Variants in KCNT2 observed in about 807,000 individuals in gnomAD.
KCNT2 encodes potassium channel subfamily T member 2.
In KCNT2, 67 loss-of-function variants were observed where a neutral mutation model predicts 153.8. That is an observed-to-expected ratio of 0.44 (90% CI 0.36 to 0.53). The LOEUF (loss-of-function observed/expected upper bound fraction) is 0.53, where lower values mean the gene tolerates loss of function less well. KCNT2 is among the 20% of genes least tolerant of loss of function. The pLI is 0.00. For missense variants in KCNT2, 975 were observed against 1,354.8 expected (o/e 0.72, Z 4.40); for synonymous variants, 500 against 458.8 (o/e 1.09, Z -1.15).
In KCNT2 at chr1:196,333,832, A is replaced by G. The variant is rs1441884143; in HGVS notation, c.1997+15T>C. On this transcript the variant is annotated intron_variant, in intron 17 of 27. Transcript: ENST00000294725. ...AAAACCCAGTAATCTTACACCTTAG[A>G]GTATCTGAACATACTCTAAGTTTGA... 6.7e-7 allele frequency: 1 copy of G among 1,501,714 alleles called. No homozygotes were observed. Among genetic ancestry groups the G allele is most frequent in the Non-Finnish European group, 9.3e-7 (1 of 1,080,354 alleles). The allele number at this position is 1,501,714 out of a possible 1,614,324, so 93.0% of individuals were successfully genotyped here. A position where few individuals can be genotyped will look rare whatever the true frequency, so the allele number is the denominator to read the frequency against.
intron 13 of KCNT2, among the ~76,000 whole-genome samples, chr1:196,395,188 C>A (rs1453118586): frequency 1.3e-5 from 2 of 151,270 alleles, no homozygotes; most frequent in Admixed American, 1.3e-4. Context: ...AATTTTTCAA[C>A]TCTGTTAACC....
At chr1:196,505,196 T>A (rs1317899037) in intron 1 of KCNT2, among the ~76,000 whole-genome samples, 1 of 152,172 alleles carries the variant, frequency 6.6e-6, no homozygotes, top group Non-Finnish European at 1.5e-5. Context: ...TAGGTTTTCT[T>A]CTAGGGTTTT....
intron 14 of KCNT2, among the ~76,000 whole-genome samples, chr1:196,347,541 TACAGTAATGTAGTA>T (rs1459663223): frequency 6.6e-6 from 1 of 152,180 alleles, no homozygotes; most frequent in Non-Finnish European, 1.5e-5. Flanking sequence ...CAAATCCTTT[TACAGTAATGTAGTA>T]AGAGTAAATT....
intron 1 of KCNT2, among the ~76,000 whole-genome samples, chr1:196,599,995 C>T (rs1047868890): frequency 2.6e-5 from 4 of 151,932 alleles, no homozygotes; most frequent in African/African-American, 2.4e-5. Flanking sequence ...ATTTCATTTA[C>T]GTTAATGATT....
chr1:196,606,502 T>A (rs1665339072), intron 1 of KCNT2, among the ~76,000 whole-genome samples: 1 of 152,202 alleles, frequency 6.6e-6, no homozygotes, highest in African/African-American at 2.4e-5. Flanking sequence ...TAATAGAACA[T>A]AAAATTTTAA....
chr1:196,282,260 A>T lies in KCNT2; in HGVS notation c.2781+13T>A, dbSNP rs575268157. On this transcript the variant is annotated intron_variant, in intron 24 of 27. Coordinates refer to ENST00000294725, the MANE Select transcript of KCNT2 (RefSeq NM_198503.5). ...ATCACAACTATCTTTTATTCTAGAG[A>T]TTATTAACTTACAGAACAAAGAAAC... The T allele has an allele frequency of 1.4e-6, 2 of 1,443,650 alleles. No homozygotes were observed. Among genetic ancestry groups the T allele is most frequent in the South Asian group, 1.2e-5 (1 of 86,158 alleles). The allele number at this position is 1,443,650 out of a possible 1,614,324, so 89.4% of individuals were successfully genotyped here. A position where few individuals can be genotyped will look rare whatever the true frequency, so the allele number is the denominator to read the frequency against.
intron 26 of KCNT2, among the ~76,000 whole-genome samples, chr1:196,253,170 T>G (rs1656137139): frequency 6.6e-6 from 1 of 151,490 alleles, no homozygotes; most frequent in African/African-American, 2.4e-5. Flanking sequence ...CCTTTTGGAG[T>G]CCAGTTACAT....
At chr1:196,517,026 G>C (rs1054392782) in intron 1 of KCNT2, among the ~76,000 whole-genome samples, 1 of 152,112 alleles carries the variant, frequency 6.6e-6, no homozygotes, top group Non-Finnish European at 1.5e-5. Context: ...ACAACTCCTG[G>C]GAGAGAGCTC....
intron 27 of KCNT2, among the ~76,000 whole-genome samples, chr1:196,230,132 G>C (rs1653821663): frequency 6.6e-6 from 1 of 152,030 alleles, no homozygotes; most frequent in Non-Finnish European, 1.5e-5. Context: ...TAAGTAGCTA[G>C]AGAGGAGAAG....
At chr1:196,493,300 C>A (rs1329401730) in intron 1 of KCNT2, among the ~76,000 whole-genome samples, 1 of 141,240 alleles carries the variant, frequency 7.1e-6, no homozygotes, top group East Asian at 2.1e-4. Context: ...AAATGTAATT[C>A]ATGTAAGCCA....
intron 26 of KCNT2, among the ~76,000 whole-genome samples, chr1:196,236,622 T>C (rs1277375861): frequency 6.6e-6 from 1 of 151,624 alleles, no homozygotes; most frequent in Non-Finnish European, 1.5e-5. Context: ...CAAAGAATCC[T>C]CTAGAACAGA....
intron 1 of KCNT2, among the ~76,000 whole-genome samples, chr1:196,515,263 A>C (rs1283545873): frequency 6.6e-6 from 1 of 152,198 alleles, no homozygotes; most frequent in Non-Finnish European, 1.5e-5. Context: ...AGAACTGAGA[A>C]GACTGCCACC....
At position 196,333,945 on chromosome 1, in the gene KCNT2, T is replaced by C. The variant is rs1233072248; in HGVS notation, c.1899A>G (p.Leu633=). The change falls in exon 17 of 28, where the codon TTA becomes TTG. Residue 633 remains leucine (L), a synonymous_variant. Coordinates refer to ENST00000294725, the MANE Select transcript of KCNT2 (RefSeq NM_198503.5). ...GAATCGATGATGTATCTGCAACCTC[T>C]AAAACAGGAGCAATGCTAGGTCTTC... ...EIRRPSIAPV[L]EVADTSSIQT... is the part of the protein sequence containing the mutation. 1 of 1,612,842 alleles carries C rather than the reference T, an allele frequency of 6.2e-7. No homozygotes were observed. Among genetic ancestry groups the C allele is most frequent in the South Asian group, 1.1e-5 (1 of 91,064 alleles).
intron 14 of KCNT2, among the ~76,000 whole-genome samples, chr1:196,353,896 G>T (rs923467053): frequency 6.6e-6 from 1 of 151,812 alleles, no homozygotes; most frequent in South Asian, 2.1e-4. Context: ...GATTTAATTG[G>T]AATTTCCTGT....
Position 196,315,976 on chromosome 1 carries a change from A to G in KCNT2, c.2399T>C (p.Val800Ala), listed in dbSNP as rs143183450. The change falls in exon 21 of 28, where the codon GTT (valine) becomes GCT (alanine). Residue 800 changes from valine to alanine, a missense_variant. This residue lies in a region of KCNT2 where 66 missense variants were observed against 147.9 expected (regional missense o/e 0.45). Transcript: ENST00000294725. The stretch of plus-strand genomic sequence containing the variant: ...ACTCATGGTGCTCTCTTTATCCACA[A>G]CCACCATATTAGCAGCAAAAGTCAC... The part of the protein sequence containing the change: ...CGVTFAANMV[V>A]VDKESTMSAE... The G allele has an allele frequency of 1.2e-6, 2 of 1,610,618 alleles. No homozygotes were observed. The highest frequency in any genetic ancestry group is 1.7e-6 in the Non-Finnish European group (2 of 1,177,918).
intron 1 of KCNT2, among the ~76,000 whole-genome samples, chr1:196,500,152 G>A (rs1367966925): frequency 6.7e-6 from 1 of 149,764 alleles, no homozygotes; most frequent in Non-Finnish European, 1.5e-5. Flanking sequence ...AAAAAAAAGG[G>A]AGGAAAGAAG....
intron 21 of KCNT2, among the ~76,000 whole-genome samples, chr1:196,313,967 C>T (rs1662450535): frequency 1.3e-5 from 2 of 151,572 alleles, no homozygotes; most frequent in Admixed American, 1.3e-4. Flanking sequence ...TTCATTCATT[C>T]AACAAGTGGT....
rs555775212 is a variant in KCNT2 at position 196,598,838 on chromosome 1, G to T, written c.95+9377C>A. On this transcript the variant is annotated intron_variant, in intron 1 of 27. Coordinates refer to ENST00000294725, the MANE Select transcript of KCNT2 (RefSeq NM_198503.5). ...AAGTAATACGTAATACATGTAACAT[G>T]CTTAGAAAAATGTTTGACACATGCT... Among the ~76,000 whole-genome samples, 18 of 152,252 alleles carry T rather than the reference G, an allele frequency of 1.2e-4. 2 individuals are homozygous for T. The highest frequency in any genetic ancestry group is 4.3e-4 in the African/African-American group (18 of 41,552).
chr1:196,538,613 C>T (rs764786131), intron 1 of KCNT2, among the ~76,000 whole-genome samples: 3 of 152,106 alleles, frequency 2.0e-5, no homozygotes, highest in African/African-American at 4.8e-5. Context: ...ATGCGCCTAA[C>T]GTGGTGTGGT....
Sources: allele counts gnomAD v4.1 joint callset (sites outside exome capture counted in the v4.1 genomes callset), GRCh38; gene constraint gnomAD v4.1.1; regional missense constraint gnomAD v4.1.1; transcripts MANE v1.5; gene names NCBI Gene and HGNC (gene_info 2026-07-23, HGNC 2026-07-21).